SH3YL1: variants seen among roughly 807,000 people sequenced by gnomAD.
The protein encoded by SH3YL1 is SH3 and SYLF domain containing 1, also known as SH3 domain-containing YSC84-like protein 1.
In SH3YL1, 41 loss-of-function variants were observed where a neutral mutation model predicts 45.8. The ratio of observed to expected loss-of-function variants is 0.89; its 90% CI spans 0.70 to 1.16. SH3YL1 has a LOEUF of 1.16. Among genes scored for constraint, SH3YL1 ranks in the 50% most tolerant of loss-of-function variants. SH3YL1 has a pLI of 0.00. For missense variants in SH3YL1, 389 were observed against 409.6 expected (o/e 0.95, Z 0.43); for synonymous variants, 152 against 151.4 (o/e 1.00, Z -0.03).
At chr2:234,793 G>A (rs1668210374) in intron 4 of SH3YL1, among the ~76,000 whole-genome samples, 1 of 152,150 alleles carries the variant, frequency 6.6e-6, no homozygotes, top group African/African-American at 2.4e-5. Flanking sequence ...GTGAACCTGG[G>A]CCACTTCACT....
intron 1 of SH3YL1, chr2:262,558 G>T: frequency 9.2e-6 from 12 of 1,302,710 alleles, no homozygotes; most frequent in Non-Finnish European, 1.2e-5. Context: ...TCTTCTCAGA[G>T]AAAATTTTTT....
chr2:228,794 A>C (rs1280496215), intron 8 of SH3YL1, among the ~76,000 whole-genome samples: 1 of 152,184 alleles, frequency 6.6e-6, no homozygotes, highest in Non-Finnish European at 1.5e-5. Flanking sequence ...GGAGGGTTAC[A>C]TTTAGACCAG....
chr2:245,070 G>T (rs932182461), intron 4 of SH3YL1, among the ~76,000 whole-genome samples: 3 of 152,134 alleles, frequency 2.0e-5, no homozygotes, highest in African/African-American at 4.8e-5. Context: ...GACAGCAGGC[G>T]GGAGTGCTCT....
chr2:260,402 G>A (rs181376266), intron 1 of SH3YL1: 17 of 152,338 alleles, frequency 1.1e-4, no homozygotes, highest in Admixed American at 2.6e-4. Flanking sequence ...TGGGTGACCC[G>A]AGGCTGCTGT....
At chr2:247,492 T>C in intron 4 of SH3YL1, 46 bp downstream of exon 4, 1 of 1,449,390 alleles carries the variant, frequency 6.9e-7, no homozygotes, top group Non-Finnish European at 9.4e-7. Flanking sequence ...ATCTTAGGTG[T>C]CTTCAGAGGA....
In SH3YL1 at chr2:231,038, C is replaced by T; in HGVS notation, c.687G>A (p.Glu229=). ...CAAACGGTACAGAAGACTTCCTCTG[C>T]TCCCTTGCTGCTTTTCTTGCATTGA... ...QRINARKAAR[E]QRKSSAKELP... Residue 229 remains glutamate, a synonymous_variant, in exon 7 of 10, where the codon GAG becomes GAA. Coordinates refer to ENST00000356150, the MANE Select transcript of SH3YL1 (RefSeq NM_015677.4). 1 of 1,614,102 alleles carries T rather than the reference C, an allele frequency of 6.2e-7. No individual in the cohort carries two copies. Among genetic ancestry groups the T allele is most frequent in the East Asian group, 2.2e-5 (1 of 44,862 alleles).
At position 234,177 on chromosome 2, in the gene SH3YL1, C is replaced by G. The variant is rs550811033; in HGVS notation, c.387G>C (p.Ala129=). The change falls in exon 5 of 10, where the codon GCG becomes GCC. Residue 129 remains alanine, a synonymous_variant. Transcript: ENST00000356150. ...GAACTCACCTTCCCAAGGGCCCAAC[C>G]GCCACAGTCAAGTTCCCTCCGAGGG... ...NLTLGGNLTV[A]VGPLGRNLEG... 6.2e-7 allele frequency: 1 copy of G among 1,613,714 alleles called. No individual in the cohort carries two copies. Among genetic ancestry groups the G allele is most frequent in the South Asian group, 1.1e-5 (1 of 90,996 alleles).
At chr2:253,422 G>A (rs1558251531) in intron 1 of SH3YL1, among the ~76,000 whole-genome samples, 2 of 152,076 alleles carry the variant, frequency 1.3e-5, no homozygotes, top group Admixed American at 6.5e-5. Context: ...GGCAATGAAC[G>A]TGACCTCTGG....
rs1558238843 is a variant in SH3YL1 at position 234,182 on chromosome 2, C to T, written c.382G>A (p.Val128Met). The change falls in exon 5 of 10, where the codon GTG (valine) becomes ATG (methionine). Residue 128 changes from valine (V) to methionine (M), a missense_variant. Coordinates refer to ENST00000356150, the MANE Select transcript of SH3YL1 (RefSeq NM_015677.4). ...CACCTTCCCAAGGGCCCAACCGCCA[C>T]AGTCAAGTTCCCTCCGAGGGTCAGA... The part of the protein sequence containing the change: ...GNLTLGGNLT[V>M]AVGPLGRNLE... The T allele has an allele frequency of 5.0e-6, 8 of 1,613,796 alleles. No individual in the cohort carries two copies. The East Asian group carries it at 1.8e-4, about 36-fold the overall frequency.
At chr2:228,977 C>T (rs1428082721) in intron 8 of SH3YL1, among the ~76,000 whole-genome samples, 3 of 152,206 alleles carry the variant, frequency 2.0e-5, no homozygotes, top group African/African-American at 7.2e-5. Flanking sequence ...TATGTTTCTA[C>T]ATGTAATCTC....
At chr2:263,702 A>G in intron 1 of SH3YL1, 1 of 411,892 alleles carries the variant, frequency 2.4e-6, no homozygotes, top group Non-Finnish European at 4.3e-6. Context: ...CGCCGTTCAA[A>G]TATCAGGAAG....
intron 3 of SH3YL1, among the ~76,000 whole-genome samples, chr2:248,909 G>C (rs1274263257): frequency 2.0e-5 from 3 of 152,198 alleles, no homozygotes; most frequent in Non-Finnish European, 4.4e-5. Context: ...TTTGTTGACT[G>C]CGGGGATACC....
At chr2:238,303 G>A (rs1224990747) in intron 4 of SH3YL1, among the ~76,000 whole-genome samples, 1 of 129,768 alleles carries the variant, frequency 7.7e-6, no homozygotes, top group Non-Finnish European at 1.7e-5. Flanking sequence ...GTGTGTGTGT[G>A]GCATGGCCAG....
Position 228,316 on chromosome 2 carries a change from C to G in SH3YL1, c.781+1650G>C, listed in dbSNP as rs538965328. ...TCACCGTGGGAAACAGATCCGCAAG[C>G]TGGCACAGGCAAAGGGCCTGTTTTT... On this transcript the variant is annotated intron_variant, in intron 8 of 9. Transcript: ENST00000356150. 1.4e-3 allele frequency among the ~76,000 whole-genome samples: 210 copies of G among 152,300 alleles called. 1 individual carries two copies. Among genetic ancestry groups the G allele is most frequent in the African/African-American group, 4.5e-3 (189 of 41,572 alleles).
At chr2:241,597 A>G (rs1668546001) in intron 4 of SH3YL1, 1 of 152,168 alleles carries the variant, frequency 6.6e-6, no homozygotes, top group African/African-American at 2.4e-5. Flanking sequence ...CACTCTGGAT[A>G]GATAATTGTA....
At chr2:233,303 C>T in intron 5 of SH3YL1, 74 bp from the exon 6 acceptor site, 8 of 1,339,858 alleles carry the variant, frequency 6.0e-6, no homozygotes, top group Non-Finnish European at 6.8e-6. Context: ...AAATAGCACT[C>T]CTTCTAGCTC....
At chr2:223,468 T>A (rs1430019648) in intron 9 of SH3YL1, among the ~76,000 whole-genome samples, 1 of 152,184 alleles carries the variant, frequency 6.6e-6, no homozygotes, top group African/African-American at 2.4e-5. Flanking sequence ...TTAGGAGCAC[T>A]TTAACAACCA....
chr2:239,979 G>A (rs1016806216), intron 4 of SH3YL1: 1 of 152,262 alleles, frequency 6.6e-6, no homozygotes, highest in Non-Finnish European at 1.5e-5. Flanking sequence ...CAAGAACACA[G>A]ACTTCCTTCC....
chr2:224,885 A>G lies in SH3YL1; in HGVS notation c.817T>C (p.Ser273Pro), dbSNP rs181461745. 6.2e-5 allele frequency: 100 copies of G among 1,610,854 alleles called. No homozygotes were observed. In the East Asian group the frequency reaches 1.9e-3, roughly 31 times the overall value. The stretch of plus-strand genomic sequence containing the variant: ...TTACCAACTCTCTCATGATAGCTGG[A>G]AAGTCCAGGATAGAGCTTATATTCA... ...RNEYKLYPGL[S>P]SYHERVGNLN... The change falls in exon 9 of 10, where the codon TCC (serine) becomes CCC (proline). Residue 273 changes from serine (S) to proline (P), a missense_variant. By Grantham distance (74) the Ser-to-Pro change is moderately conservative. Coordinates refer to ENST00000356150, the MANE Select transcript of SH3YL1 (RefSeq NM_015677.4).
Sources: gnomAD v4.1 joint callset for allele counts (sites outside exome capture counted in the v4.1 genomes callset) on GRCh38, gnomAD v4.1.1 for gene constraint, MANE v1.5 for transcripts, NCBI Gene and HGNC (gene_info 2026-07-23, HGNC 2026-07-21) for gene names.